CMIP: variants seen among roughly 807,000 people sequenced by gnomAD.
CMIP encodes the protein c-Maf inducing protein, also known as C-Maf-inducing protein.
In CMIP, 13 loss-of-function variants were observed where a neutral mutation model predicts 97.3. The ratio of observed to expected loss-of-function variants is 0.13; its 90% CI spans 0.09 to 0.21. The LOEUF (loss-of-function observed/expected upper bound fraction) is 0.21, where lower values mean the gene tolerates loss of function less well. Among genes scored for constraint, CMIP ranks in the 10% least tolerant of loss-of-function variants. The pLI, the probability that CMIP is intolerant of heterozygous loss-of-function variation, is 1.00. For missense variants in CMIP, 847 were observed against 1,024.9 expected (o/e 0.83, Z 2.37); for synonymous variants, 538 against 436.3 (o/e 1.23, Z -2.91).
chr16:81,673,681 A>G (rs1030712586), intron 9 of CMIP, among the ~76,000 whole-genome samples: 2 of 152,192 alleles, frequency 1.3e-5, no homozygotes, highest in African/African-American at 4.8e-5. Flanking sequence ...GTCACTCACC[A>G]GCTCCCATCC....
At chr16:81,458,628 T>A (rs1011726666) in intron 1 of CMIP, among the ~76,000 whole-genome samples, 1 of 152,154 alleles carries the variant, frequency 6.6e-6, no homozygotes, top group Non-Finnish European at 1.5e-5. Context: ...CCATTACGTC[T>A]TGCAGGGAGG....
At chr16:81,471,614 C>T (rs1907563261) in intron 1 of CMIP, among the ~76,000 whole-genome samples, 2 of 152,240 alleles carry the variant, frequency 1.3e-5, no homozygotes. Context: ...AGTCCACTCT[C>T]ATCCTTGGGG....
chr16:81,522,365 G>A (rs987965984), intron 1 of CMIP, among the ~76,000 whole-genome samples: 1 of 152,146 alleles, frequency 6.6e-6, no homozygotes, highest in Non-Finnish European at 1.5e-5. Context: ...GCTCCCTGAG[G>A]GTCTATGCAG....
intron 1 of CMIP, among the ~76,000 whole-genome samples, chr16:81,556,620 C>T (rs1057344718): frequency 5.3e-5 from 8 of 152,034 alleles, no homozygotes; most frequent in Admixed American, 3.9e-4. Context: ...AGTTGGTGTT[C>T]GATGGGGACA....
intron 1 of CMIP, among the ~76,000 whole-genome samples, chr16:81,591,633 C>T (rs976426931): frequency 2.6e-5 from 4 of 152,102 alleles, no homozygotes; most frequent in African/African-American, 7.2e-5. Context: ...CAGAGCTAAT[C>T]TGTAGAGATG....
intron 9 of CMIP, among the ~76,000 whole-genome samples, chr16:81,676,780 TTGG>T (rs1904324603): frequency 2.0e-5 from 3 of 152,172 alleles, no homozygotes; most frequent in Non-Finnish European, 4.4e-5. Flanking sequence ...CACACAGCCC[TTGG>T]AGGGGCTATT....
intron 1 of CMIP, among the ~76,000 whole-genome samples, chr16:81,546,552 T>C (rs912436227): frequency 2.6e-5 from 4 of 152,188 alleles, no homozygotes; most frequent in Admixed American, 6.5e-5. Context: ...TGAGGGTCTG[T>C]GTCCCAGGAA....
At chr16:81,520,996 A>G (rs1597500495) in intron 1 of CMIP, among the ~76,000 whole-genome samples, 1 of 151,206 alleles carries the variant, frequency 6.6e-6, no homozygotes, top group African/African-American at 2.4e-5. Flanking sequence ...CAGAAAAAGG[A>G]CCCCCCGCCC....
chr16:81,471,206 GCA>G (rs924472199), intron 1 of CMIP, among the ~76,000 whole-genome samples: 30 of 151,984 alleles, frequency 2.0e-4, no homozygotes, highest in Non-Finnish European at 3.1e-4. Context: ...ACTCACATGC[GCA>G]CACACATACA....
At chr16:81,626,817 G>GTGTGT (rs1597163111) in intron 3 of CMIP, among the ~76,000 whole-genome samples, 1 of 131,236 alleles carries the variant, frequency 7.6e-6, no homozygotes, top group African/African-American at 2.8e-5. Context: ...GTGTGTGTGT[G>GTGTGT]GGGTGCATAT....
intron 6 of CMIP, among the ~76,000 whole-genome samples, chr16:81,661,334 G>A (rs1230867698): frequency 2.0e-5 from 3 of 152,242 alleles, no homozygotes; most frequent in East Asian, 1.9e-4. Context: ...GAGGCAGCAC[G>A]GTGCTCCAGG....
chr16:81,446,153 G>C (rs1167293316), intron 1 of CMIP, among the ~76,000 whole-genome samples: 1 of 151,980 alleles, frequency 6.6e-6, no homozygotes, highest in African/African-American at 2.4e-5. Context: ...GGAGGGGGAG[G>C]GGGCAGTGGT....
intron 3 of CMIP, among the ~76,000 whole-genome samples, chr16:81,640,295 C>G (rs1017898578): frequency 6.9e-4 from 104 of 151,150 alleles, no homozygotes; most frequent in South Asian, 2.3e-3. Flanking sequence ...GGCCCCCCCC[C>G]CCCCAATTCC....
chr16:81,587,457 G>A (rs998089778), intron 1 of CMIP, among the ~76,000 whole-genome samples: 36 of 152,334 alleles, frequency 2.4e-4, no homozygotes, highest in Non-Finnish European at 1.0e-4. Context: ...TTTCACCTCT[G>A]TTCAGCCAGA....
intron 3 of CMIP, among the ~76,000 whole-genome samples, chr16:81,648,784 GAAAAAAAAAAA>G (rs6145916): frequency 5.3e-5 from 4 of 75,736 alleles, no homozygotes; most frequent in Non-Finnish European, 9.4e-5. Flanking sequence ...CTCTGTCTCA[GAAAAAAAAAAA>G]AAAAAAAAAA....
chr16:81,700,764 G>A (rs895907856), intron 15 of CMIP, among the ~76,000 whole-genome samples: 4 of 152,248 alleles, frequency 2.6e-5, no homozygotes, highest in Non-Finnish European at 4.4e-5. Context: ...CTGGAGGCCA[G>A]GGTGGCTGGA....
At chr16:81,708,920 G>A (rs1280217078) in intron 20 of CMIP, among the ~76,000 whole-genome samples, 3 of 152,212 alleles carry the variant, frequency 2.0e-5, no homozygotes, top group Non-Finnish European at 2.9e-5. Flanking sequence ...GCATACATAC[G>A]TGTACATGTA....
At chr16:81,632,698 C>T (rs1279720153) in intron 3 of CMIP, among the ~76,000 whole-genome samples, 2 of 152,234 alleles carry the variant, frequency 1.3e-5, no homozygotes, top group African/African-American at 4.8e-5. Flanking sequence ...TAAGCACACT[C>T]CAGGGACCAG....
rs112298801 is a variant in CMIP, at chr16:81,456,148, C to G, written c.300+10607C>G. Among the ~76,000 whole-genome samples the G allele has an allele frequency of 8.3e-3, 1,268 of 152,306 alleles. 17 individuals carry two copies. Among genetic ancestry groups the G allele is most frequent in the African/African-American group, 0.029 (1,200 of 41,536 alleles). On this transcript the variant is annotated intron_variant, in intron 1 of 20. Coordinates refer to ENST00000537098, the MANE Select transcript of CMIP (RefSeq NM_198390.3). ...AATGGAAGAGCTCGAACTGTCCCAG[C>G]AGGCTGGTGGCAACTGAGCTCGGGG...
Sources: gnomAD v4.1 joint callset for allele counts (sites outside exome capture counted in the v4.1 genomes callset) on GRCh38, gnomAD v4.1.1 for gene constraint, MANE v1.5 for transcripts, NCBI Gene and HGNC (gene_info 2026-07-23, HGNC 2026-07-21) for gene names.